DNAH8: variants seen among roughly 807,000 people sequenced by gnomAD.
DNAH8 encodes axonemal beta dynein heavy chain 8.
In DNAH8, 382 loss-of-function variants were observed where a neutral mutation model predicts 562.1. That is an observed-to-expected ratio of 0.68 (90% CI 0.63 to 0.74). The LOEUF is 0.74. DNAH8 is among the 30% of genes least tolerant of loss of function. The probability of loss-of-function intolerance (pLI) is 0.00; values close to 1 mark genes in which losing one functional copy is unlikely to be tolerated. For missense variants in DNAH8, 5,203 were observed against 5,620.4 expected, an observed-to-expected ratio of 0.93 and a Z score of 2.37; for synonymous variants, 1,881 against 1,919.4, an observed-to-expected ratio of 0.98 and a Z score of 0.52.
At chr6:38,864,146 A>G in intron 45 of DNAH8, 86 bp downstream of exon 45, 5 of 1,215,702 alleles carry the variant, frequency 4.1e-6, no homozygotes, top group East Asian at 2.5e-5. Context: ...TGGGTAGATG[A>G]CCAACTATCC....
Position 38,873,014 on chromosome 6 carries a change from G to T in DNAH8, c.7346G>T (p.Arg2449Leu), listed in dbSNP as rs149449115. ...NKTLTLANGD[R>L]IPMAPSCKLL... is the part of the protein sequence containing the mutation. Reference sequence around the variant, plus strand: ...ACTCTGACGTTAGCTAATGGAGATCGCATTCCCATGGCCCCTAGTTGTAAG... The same window carrying T: ...ACTCTGACGTTAGCTAATGGAGATCTCATTCCCATGGCCCCTAGTTGTAAG... The change falls in exon 51 of 93, where the codon CGC becomes CTC. Residue 2449 changes from arginine (R) to leucine (L), a missense_variant. Arg to Leu is a moderately radical substitution (Grantham distance 102, BLOSUM62 -2). Transcript: ENST00000327475. 6.9e-5 allele frequency: 111 copies of T among 1,614,016 alleles called. No individual in the cohort carries two copies. The highest frequency in any genetic ancestry group is 6.6e-4 in the Middle Eastern group (4 of 6,084).
chr6:38,887,519 C>A lies in DNAH8; in HGVS notation c.8473+515C>A, dbSNP rs77328550. 7.6e-4 allele frequency among the ~76,000 whole-genome samples: 116 copies of A among 152,220 alleles called. No individual in the cohort carries two copies. In the East Asian group the frequency reaches 7.7e-3, roughly 10 times the overall value. ...GCCAGGAGATCAAGAGCAGCCTGGGCTCATAGAGAGACCCCATTTCTACAA... is the reference window on the plus strand; with the variant it reads ...GCCAGGAGATCAAGAGCAGCCTGGGATCATAGAGAGACCCCATTTCTACAA... On this transcript the variant is annotated intron_variant, in intron 57 of 92. Coordinates refer to ENST00000327475, the MANE Select transcript of DNAH8 (RefSeq NM_001206927.2).
At chr6:38,867,062 T>G (rs1563045304) in intron 47 of DNAH8, among the ~76,000 whole-genome samples, 186 bp downstream of exon 47, 2 of 152,206 alleles carry the variant, frequency 1.3e-5, no homozygotes, top group South Asian at 2.1e-4. Flanking sequence ...TAATTGTAGA[T>G]TCACAGGAAG....
chr6:38,818,985 T>G (rs1772572000), intron 26 of DNAH8, among the ~76,000 whole-genome samples: 1 of 152,190 alleles, frequency 6.6e-6, no homozygotes, highest in South Asian at 2.1e-4. Flanking sequence ...TGCTGGACAT[T>G]TATTACTCGG....
chr6:38,911,673 C>G, intron 66 of DNAH8, 87 bp downstream of exon 66: 1 of 941,456 alleles, frequency 1.1e-6, no homozygotes, highest in Non-Finnish European at 1.6e-6. Context: ...GACATTTTGT[C>G]TGAAAATGAA....
At chr6:38,758,111 C>T (rs1340348438) in intron 10 of DNAH8, among the ~76,000 whole-genome samples, 4 of 152,148 alleles carry the variant, frequency 2.6e-5, no homozygotes, top group Non-Finnish European at 5.9e-5. Context: ...CTATAAATTA[C>T]CTTGGGCAGT....
intron 87 of DNAH8, 71 bp downstream of exon 87, chr6:38,984,378 A>T (rs562632295): frequency 1.1e-6 from 1 of 940,972 alleles, no homozygotes; most frequent in Admixed American, 1.8e-5. Context: ...TGTTTGTAAT[A>T]GGTCTGCCAA....
chr6:38,851,540 A>G, intron 38 of DNAH8, 32 bp from the exon 39 acceptor site: 1 of 1,411,338 alleles, frequency 7.1e-7, no homozygotes, highest in Non-Finnish European at 9.8e-7. Context: ...AAAAAAAACC[A>G]CTTGGTAACA....
chr6:38,832,475 G>A, intron 31 of DNAH8, 40 bp downstream of exon 31: 2 of 1,255,554 alleles, frequency 1.6e-6, no homozygotes, highest in Non-Finnish European at 2.3e-6. Flanking sequence ...GAAATGTTCT[G>A]TGATGTGTTT....
intron 71 of DNAH8, among the ~76,000 whole-genome samples, chr6:38,922,529 AT>A (rs1320308479): frequency 1.3e-5 from 2 of 152,112 alleles, no homozygotes; most frequent in South Asian, 2.1e-4. Flanking sequence ...TTTTAATATA[AT>A]TTTTTAATTG....
At chr6:38,820,501 G>A (rs549932143) in intron 26 of DNAH8, among the ~76,000 whole-genome samples, 1 of 152,218 alleles carries the variant, frequency 6.6e-6, no homozygotes, top group Admixed American at 6.5e-5. Context: ...ACCAGGGTAG[G>A]GAAGGATTCT....
At position 38,974,535 on chromosome 6, in the gene DNAH8, T is replaced by C; in HGVS notation, c.12834+6T>C. 3 of 1,611,154 alleles carry C rather than the reference T, an allele frequency of 1.9e-6. No homozygotes were observed. The highest frequency in any genetic ancestry group is 2.5e-6 in the Non-Finnish European group (3 of 1,178,730). On this transcript the variant is annotated splice_donor_region_variant and intron_variant, in intron 85 of 92. Coordinates refer to ENST00000327475, the MANE Select transcript of DNAH8 (RefSeq NM_001206927.2). ...TTTTACACTCCACTGTGCAGGTAAC[T>C]GCAGAAAGCAGTTTTCACATTTAGG...
intron 77 of DNAH8, among the ~76,000 whole-genome samples, chr6:38,936,860 C>T (rs988413071): frequency 2.0e-5 from 3 of 152,178 alleles, no homozygotes; most frequent in Admixed American, 6.5e-5. Flanking sequence ...TCTGCCATCC[C>T]GAACTCTAGG....
rs576702195 is a variant in DNAH8 at position 38,975,916 on chromosome 6, T to C, written c.12834+1387T>C. On this transcript the variant is annotated intron_variant, in intron 85 of 92. Transcript: ENST00000327475. ...TTGGGGGTATTTGCCATATGGTTAA[T>C]GTGGCAACCTGTGTTTTTAGTGGCC... is the stretch of plus-strand genomic sequence containing the variant. 1.0e-3 allele frequency among the ~76,000 whole-genome samples: 158 copies of C among 152,364 alleles called. 3 individuals carry two copies. Among genetic ancestry groups the C allele is most frequent in the East Asian group, 1.2e-3 (6 of 5,192 alleles).
chr6:38,930,660 G>A (rs1020699393), intron 75 of DNAH8, among the ~76,000 whole-genome samples: 1 of 152,034 alleles, frequency 6.6e-6, no homozygotes, highest in Non-Finnish European at 1.5e-5. Context: ...CAAAATTTTG[G>A]TGACTGGCTT....
intron 79 of DNAH8, among the ~76,000 whole-genome samples, chr6:38,943,246 GTTTTTC>G (rs1339524792): frequency 6.6e-6 from 1 of 152,180 alleles, no homozygotes; most frequent in African/African-American, 2.4e-5. Context: ...CAATAAAGGA[GTTTTTC>G]TTTTTAAACA....
Position 38,917,259 on chromosome 6 carries a change from T to TGCAA in DNAH8, c.10163_10164insAAGC (p.Thr3389SerfsTer29). 2 of 1,612,284 alleles carry TGCAA rather than the reference T, an allele frequency of 1.2e-6. No individual in the cohort carries two copies. The highest frequency in any genetic ancestry group is 8.5e-7 in the Non-Finnish European group (1 of 1,179,138). ...TATAGACTATCAAGCCAAATGATAT[T>TGCAA]GCCACAGTCAGGAAACTTGCAAAAC... is the stretch of plus-strand genomic sequence containing the variant. On this transcript the variant is annotated frameshift_variant, in exon 69 of 93. Coordinates refer to ENST00000327475, the MANE Select transcript of DNAH8 (RefSeq NM_001206927.2). LOFTEE classifies it high-confidence loss of function.
At chr6:38,807,268 A>G (rs1468669946) in intron 23 of DNAH8, among the ~76,000 whole-genome samples, 1 of 152,208 alleles carries the variant, frequency 6.6e-6, no homozygotes, top group African/African-American at 2.4e-5. Context: ...AATCATTGAG[A>G]AATGTACCAC....
chr6:38,989,995 T>C lies in DNAH8; in HGVS notation c.13054-17T>C, dbSNP rs3737095. The C allele has an allele frequency of 0.42, 623,018 of 1,483,332 alleles. 134,529 individuals carry two copies. Among genetic ancestry groups the C allele is most frequent in the Non-Finnish European group, 0.45 (485,626 of 1,088,226 alleles). The allele number at this position is 1,483,332 out of a possible 1,614,324, so 91.9% of individuals were successfully genotyped here. A position where few individuals can be genotyped will look rare whatever the true frequency, so the allele number is the denominator to read the frequency against. ...ATGCTCATCAATTTTATTTCTTTTG[T>C]TTTCTCTCACATACAGGTCTGGTTC... On this transcript the variant is annotated splice_polypyrimidine_tract_variant and intron_variant, in intron 87 of 92. Coordinates refer to ENST00000327475, the MANE Select transcript of DNAH8 (RefSeq NM_001206927.2).
Sources: allele counts gnomAD v4.1 joint callset (sites outside exome capture counted in the v4.1 genomes callset), GRCh38; gene constraint gnomAD v4.1.1; transcripts MANE v1.5; gene names NCBI Gene and HGNC (gene_info 2026-07-23, HGNC 2026-07-21).